The following FOXN3 variants were observed in gnomAD, a reference collection of about 807,000 sequenced individuals.
FOXN3 encodes the protein forkhead box protein N3.
FOXN3 carries 7 observed loss-of-function variants against 38.4 expected under a neutral mutation model. The ratio of observed to expected loss-of-function variants is 0.18; its 90% CI spans 0.10 to 0.34. The LOEUF is 0.34. FOXN3 is among the 10% of genes least tolerant of loss of function. FOXN3 has a pLI of 1.00. For synonymous variants in FOXN3, 230 were observed against 242.2 expected (o/e 0.95, Z 0.47); for missense variants, 456 against 613.4 (o/e 0.74, Z 2.71).
At chr14:89,534,100 C>CTTTT (rs79800046) in intron 1 of FOXN3, among the ~76,000 whole-genome samples, 374 of 113,758 alleles carry the variant, frequency 3.3e-3, no homozygotes, top group Middle Eastern at 5.2e-3. Context: ...ATTATACATT[C>CTTTT]TTTTTTTTTT....
rs543300165 is a variant in FOXN3, at chr14:89,424,755, C to T, written c.-14-12265G>A. Among the ~76,000 whole-genome samples, 13 of 151,534 alleles carry T rather than the reference C, an allele frequency of 8.6e-5. No individual in the cohort carries two copies. In the South Asian group the frequency reaches 1.9e-3, roughly 22 times the overall value. On this transcript the variant is annotated intron_variant, in intron 1 of 6. Transcript: ENST00000345097. ...GAAAAATTAGCCAGGCATGGTGGCA[C>T]GTGCCTATAGTCCCAGCTACTCAGG...
intron 1 of FOXN3, among the ~76,000 whole-genome samples, chr14:89,491,246 G>A (rs1412601267): frequency 6.6e-6 from 1 of 152,172 alleles, no homozygotes; most frequent in Non-Finnish European, 1.5e-5. Flanking sequence ...AAAGTGCTGG[G>A]ATTACAGGCG....
At chr14:89,615,534 G>A (rs574205233) in intron 1 of FOXN3, among the ~76,000 whole-genome samples, 3 of 152,296 alleles carry the variant, frequency 2.0e-5, no homozygotes, top group African/African-American at 7.2e-5. Flanking sequence ...GAAACGAAGT[G>A]TTCTGAGCCA....
chr14:89,534,062 A>C (rs1596310046), intron 1 of FOXN3, among the ~76,000 whole-genome samples: 1 of 144,004 alleles, frequency 6.9e-6, no homozygotes, highest in African/African-American at 2.6e-5. Flanking sequence ...CCCCCCCGCC[A>C]CCCACTATGG....
chr14:89,378,902 TC>T (rs1338927070), intron 2 of FOXN3, among the ~76,000 whole-genome samples: 1 of 152,136 alleles, frequency 6.6e-6, no homozygotes, highest in Non-Finnish European at 1.5e-5. Flanking sequence ...AGACAGGGTT[TC>T]ACCATGTTGG....
intron 1 of FOXN3, among the ~76,000 whole-genome samples, chr14:89,547,442 T>C (rs935505520): frequency 6.6e-6 from 1 of 151,394 alleles, no homozygotes; most frequent in African/African-American, 2.4e-5. Context: ...GTTTGTTTGT[T>C]TGTTGTTTGT....
intron 4 of FOXN3, among the ~76,000 whole-genome samples, chr14:89,237,404 A>G (rs1885011351): frequency 6.6e-6 from 1 of 152,252 alleles, no homozygotes; most frequent in South Asian, 2.1e-4. Context: ...AATGGTACAG[A>G]TACTCTGGAA....
rs1325224198 is a variant in FOXN3 at position 89,328,851 on chromosome 14, T to C, written c.680+21821A>G. Among the ~76,000 whole-genome samples the C allele has an allele frequency of 3.3e-5, 5 of 152,268 alleles. No homozygotes were observed. In the East Asian group the frequency reaches 7.7e-4, roughly 23 times the overall value. ...AGGTGATAACAAGATAAAGAGCAGG[T>C]ACCATCCTCCATTTAGATGTGGAAG... On this transcript the variant is annotated intron_variant, in intron 3 of 5. Coordinates refer to ENST00000557258, the MANE Select transcript of FOXN3 (RefSeq NM_005197.4).
chr14:89,286,985 G>A (rs1016708247), intron 3 of FOXN3, among the ~76,000 whole-genome samples: 3 of 152,078 alleles, frequency 2.0e-5, no homozygotes, highest in Admixed American at 6.6e-5. Context: ...GAGAGACCGT[G>A]GGATTTGGAC....
chr14:89,360,725 C>T (rs374140779), intron 2 of FOXN3, among the ~76,000 whole-genome samples: 2,256 of 135,248 alleles, frequency 0.017, 101 homozygotes, highest in Non-Finnish European at 0.025. Context: ...CTACCTCCAC[C>T]ACCACCACCT....
intron 1 of FOXN3, among the ~76,000 whole-genome samples, chr14:89,589,476 T>A (rs1032072097): frequency 6.6e-6 from 1 of 152,100 alleles, no homozygotes; most frequent in Non-Finnish European, 1.5e-5. Context: ...TCCTCACAAT[T>A]TGAGAATCCC....
chr14:89,354,221 T>A (rs1238836203), intron 2 of FOXN3, among the ~76,000 whole-genome samples: 1 of 151,520 alleles, frequency 6.6e-6, no homozygotes, highest in African/African-American at 2.4e-5. Flanking sequence ...TTTTTTTGTT[T>A]GGTTTTTTTT....
intron 5 of FOXN3, among the ~76,000 whole-genome samples, chr14:89,172,561 A>G (rs557143542): frequency 1.3e-5 from 2 of 152,358 alleles, no homozygotes; most frequent in South Asian, 4.1e-4. Context: ...AATAGCAAAG[A>G]CACTTTAAAA....
chr14:89,415,712 G>A (rs982288679), intron 1 of FOXN3, among the ~76,000 whole-genome samples: 1 of 142,170 alleles, frequency 7.0e-6, no homozygotes, highest in African/African-American at 2.6e-5. Context: ...TTTTCCTCCT[G>A]TTTCAGAGGG....
chr14:89,508,134 T>C (rs958969062), intron 1 of FOXN3, among the ~76,000 whole-genome samples: 1 of 152,180 alleles, frequency 6.6e-6, no homozygotes, highest in East Asian at 1.9e-4. Flanking sequence ...GTGCTTGTCA[T>C]GAAAACAGGC....
chr14:89,269,082 G>A (rs1172893914), intron 4 of FOXN3, among the ~76,000 whole-genome samples: 3 of 152,122 alleles, frequency 2.0e-5, no homozygotes, highest in Non-Finnish European at 4.4e-5. Flanking sequence ...TCAAAATGTG[G>A]GAAATGAATC....
intron 1 of FOXN3, among the ~76,000 whole-genome samples, chr14:89,555,852 T>G (rs1895105601): frequency 8.7e-6 from 1 of 115,560 alleles, no homozygotes; most frequent in Non-Finnish European, 1.7e-5. Context: ...TGTGTGTGTG[T>G]GTGTGTGTGT....
intron 4 of FOXN3, among the ~76,000 whole-genome samples, chr14:89,201,001 T>A (rs1260270352): frequency 6.6e-6 from 1 of 152,192 alleles, no homozygotes; most frequent in Admixed American, 6.5e-5. Flanking sequence ...TATGATCCTG[T>A]CCCATGGGTA....
At chr14:89,394,770 T>A (rs949213993) in intron 2 of FOXN3, among the ~76,000 whole-genome samples, 2 of 152,194 alleles carry the variant, frequency 1.3e-5, no homozygotes, top group African/African-American at 4.8e-5. Flanking sequence ...CGGGGTCCCA[T>A]TAGCATTGGG....
Sources: allele counts gnomAD v4.1 joint callset (sites outside exome capture counted in the v4.1 genomes callset), GRCh38; gene constraint gnomAD v4.1.1; transcripts MANE v1.5; gene names NCBI Gene and HGNC (gene_info 2026-07-23, HGNC 2026-07-21).